Variants in SLC22A25 observed in about 807,000 individuals in gnomAD.
SLC22A25 encodes the protein MGI:2442751, MGI:2385316, MGI:3042283, MGI:3645714, MGI:3605624, MGI:2442750.
Under a neutral mutation model 45.9 loss-of-function variants are expected in SLC22A25, and 44 were observed. The observed-to-expected ratio is 0.96, with a 90% confidence interval of 0.75 to 1.23. The LOEUF (loss-of-function observed/expected upper bound fraction) is 1.23. Ranked by LOEUF, SLC22A25 falls within the 50% of genes most tolerant of loss-of-function variation. The pLI is 0.00. For missense variants in SLC22A25, 800 were observed against 666.4 expected, an observed-to-expected ratio of 1.20 and a Z score of -2.21; for synonymous variants, 283 against 238.6, an observed-to-expected ratio of 1.19 and a Z score of -1.72.
At chr11:63,217,193 G>A (rs564664287) in intron 7 of SLC22A25, 121 bp downstream of exon 7, 2 of 1,091,294 alleles carry the variant, frequency 1.8e-6, no homozygotes, top group East Asian at 5.1e-5. Flanking sequence ...TGCATATTTA[G>A]CACAGATTAG....
At chr11:63,195,872 G>A (rs979802856) in intron 7 of SLC22A25, among the ~76,000 whole-genome samples, 1 of 152,114 alleles carries the variant, frequency 6.6e-6, no homozygotes, top group East Asian at 1.9e-4. Context: ...TAATAAAGAA[G>A]AAAAGAGAGA....
Position 63,229,739 on chromosome 11 carries a change from A to T in SLC22A25, c.-87T>A. The T allele has an allele frequency of 7.3e-7, 1 of 1,366,076 alleles. No homozygotes were observed. The highest frequency in any genetic ancestry group is 9.9e-7 in the Non-Finnish European group (1 of 1,008,714). 84.6% of individuals were successfully genotyped at this position (1,366,076 alleles called of 1,614,324 possible). ...AGAAAATATTTCCTTTCCTTAAATCACACTAAGTGTGTGTGTTGATCCTGA... is the reference window on the plus strand; with the variant it reads ...AGAAAATATTTCCTTTCCTTAAATCTCACTAAGTGTGTGTGTTGATCCTGA... On this transcript the variant is annotated 5_prime_UTR_variant, in exon 4 of 12. Transcript: ENST00000306494.
chr11:63,233,767 G>A (rs1408413467), intron 3 of SLC22A25, among the ~76,000 whole-genome samples: 2 of 152,132 alleles, frequency 1.3e-5, no homozygotes, highest in Non-Finnish European at 2.9e-5. Flanking sequence ...TCTCTTGTAG[G>A]CATTTAGTGC....
At chr11:63,175,564 A>T (rs1412944814) in intron 9 of SLC22A25, among the ~76,000 whole-genome samples, 1 of 151,892 alleles carries the variant, frequency 6.6e-6, no homozygotes, top group Non-Finnish European at 1.5e-5. Flanking sequence ...CTGCCTTTTC[A>T]TTCTATTATT....
intron 9 of SLC22A25, among the ~76,000 whole-genome samples, chr11:63,178,931 T>A (rs1224496209): frequency 6.6e-6 from 1 of 151,972 alleles, no homozygotes; most frequent in Non-Finnish European, 1.5e-5. Flanking sequence ...TCTTCTAGTA[T>A]TATCATAGTT....
intron 1 of SLC22A25, among the ~76,000 whole-genome samples, chr11:63,239,381 G>A (rs1183851357): frequency 6.6e-6 from 1 of 152,146 alleles, no homozygotes; most frequent in African/African-American, 2.4e-5. Context: ...TCTGTTTAAA[G>A]TTCTACTTTG....
In SLC22A25 at chr11:63,243,599, T is replaced by G. The variant is rs552853591; in HGVS notation, c.-1161A>C. 71 of 766,522 alleles carry G rather than the reference T, an allele frequency of 9.3e-5. No individual in the cohort carries two copies. The Admixed American group carries it at 9.3e-4, about 10-fold the overall frequency. The allele number at this position is 766,522 out of a possible 1,614,324, so 47.5% of individuals were successfully genotyped here. A position where few individuals can be genotyped will look rare whatever the true frequency, so the allele number is the denominator to read the frequency against. On this transcript the variant is annotated 5_prime_UTR_variant, in exon 1 of 12. Coordinates refer to ENST00000306494, the MANE Select transcript of SLC22A25 (RefSeq NM_199352.6). ...CATCAAGCCTCAGGAGCTGCTGGAG[T>G]GGGAACTGGTGGTGTTGGGAAAGTT...
chr11:63,163,993 T>A lies in SLC22A25; in HGVS notation c.1475A>T (p.Tyr492Phe). ...LASLMMILSI[Y>F]SRPLPWIIYG... Reference sequence around the variant, plus strand: ...GATGATCCAGGGCAGGGGTCGAGAATATATGCTTAGGATCATCATGAGGGA... The same window carrying A: ...GATGATCCAGGGCAGGGGTCGAGAAAATATGCTTAGGATCATCATGAGGGA... Residue 492 changes from tyrosine to phenylalanine, a missense_variant, in exon 12 of 12, where the codon TAT becomes TTT. Tyr to Phe is a conservative substitution (Grantham distance 22). Transcript: ENST00000306494. The A allele has an allele frequency of 3.7e-6, 6 of 1,613,876 alleles. No individual in the cohort carries two copies. The East Asian group carries it at 1.3e-4, about 36-fold the overall frequency.
In SLC22A25 at chr11:63,162,068, T is replaced by TA. The variant is rs1267578465; in HGVS notation, c.*1755_*1756insT. ...ATGACTGTTTGACATCTGTATGTCTTCTTTTGAGAAATACCTATTCACGTT... is the reference window on the plus strand; with the variant it reads ...ATGACTGTTTGACATCTGTATGTCTTACTTTTGAGAAATACCTATTCACGTT... On this transcript the variant is annotated 3_prime_UTR_variant, in exon 12 of 12. Transcript: ENST00000306494. 9.9e-5 allele frequency among the ~76,000 whole-genome samples: 15 copies of TA among 152,232 alleles called. No individual in the cohort carries two copies. The highest frequency in any genetic ancestry group is 2.9e-5 in the Non-Finnish European group (2 of 68,042).
chr11:63,225,474 G>T lies in SLC22A25; in HGVS notation c.506+2987C>A, dbSNP rs1427954889. Among the ~76,000 whole-genome samples the T allele has an allele frequency of 2.0e-5, 3 of 152,084 alleles. No homozygotes were observed. The East Asian group carries it at 5.8e-4, about 29-fold the overall frequency. On this transcript the variant is annotated intron_variant, in intron 5 of 11. Coordinates refer to ENST00000306494, the MANE Select transcript of SLC22A25 (RefSeq NM_199352.6). ...CATGCCACTCTGTCCTGGCCTGTAA[G>T]GTTTGCATGGAAAAGTCTGCTGCCA...
In SLC22A25 at chr11:63,227,576, G is replaced by C. The variant is rs1191765260; in HGVS notation, c.506+885C>G. Reference sequence around the variant, plus strand: ...TCCTCTCCTCAAATGGAATGAAGGAGTCTATTTTGGAGGTGCAAGGTGCAT... The same window carrying C: ...TCCTCTCCTCAAATGGAATGAAGGACTCTATTTTGGAGGTGCAAGGTGCAT... On this transcript the variant is annotated intron_variant, in intron 5 of 11. Transcript: ENST00000306494. Among the ~76,000 whole-genome samples the C allele has an allele frequency of 2.0e-5, 3 of 152,304 alleles. No individual in the cohort carries two copies. In the East Asian group the frequency reaches 5.8e-4, roughly 29 times the overall value.
intron 7 of SLC22A25, among the ~76,000 whole-genome samples, chr11:63,186,471 A>C (rs12417924): frequency 0.42 from 59,540 of 143,120 alleles, 10,665 homozygotes; most frequent in East Asian, 0.5. Flanking sequence ...TAGATTGCAA[A>C]AATTTTCTCC....
chr11:63,238,352 C>G (rs2090196936), intron 2 of SLC22A25, among the ~76,000 whole-genome samples: 1 of 151,858 alleles, frequency 6.6e-6, no homozygotes, highest in African/African-American at 2.4e-5. Context: ...TCTCCTATGA[C>G]CACTCTGGGT....
Position 63,229,391 on chromosome 11 carries a change from A to T in SLC22A25, c.262T>A (p.Cys88Ser). The part of the protein sequence containing the change: ...PFDSNLRPEK[C>S]RRFVHPQWKL... Reference sequence around the variant, plus strand: ...CACTGGGGATGGACAAAGCGACGACACTTCTCTGGCCTCAGATTTGAGTCG... The same window carrying T: ...CACTGGGGATGGACAAAGCGACGACTCTTCTCTGGCCTCAGATTTGAGTCG... Residue 88 changes from cysteine (C) to serine (S), a missense_variant, in exon 4 of 12, where the codon TGT (cysteine) becomes AGT (serine). Cys to Ser is a moderately radical substitution (Grantham distance 112). Coordinates refer to ENST00000306494, the MANE Select transcript of SLC22A25 (RefSeq NM_199352.6). 1 of 1,614,118 alleles carries T rather than the reference A, an allele frequency of 6.2e-7. No homozygotes were observed. Among genetic ancestry groups the T allele is most frequent in the Non-Finnish European group, 8.5e-7 (1 of 1,179,996 alleles).
In SLC22A25 at chr11:63,163,878, C is replaced by T. The variant is rs1565055299; in HGVS notation, c.1590G>A (p.Val530=). ...NQPLLDSIQD[V]ENEGVNSLAA... Reference sequence around the variant, plus strand: ...CTAGGCTATTTACTCCCTCATTTTCCACATCCTGGATGCTGTCAAGAAGAG... The same window carrying T: ...CTAGGCTATTTACTCCCTCATTTTCTACATCCTGGATGCTGTCAAGAAGAG... Residue 530 remains valine (V), a synonymous_variant, in exon 12 of 12, where the codon GTG becomes GTA. Transcript: ENST00000306494. The T allele has an allele frequency of 1.9e-6, 3 of 1,613,916 alleles. No homozygotes were observed. The highest frequency in any genetic ancestry group is 2.5e-6 in the Non-Finnish European group (3 of 1,179,884).
At chr11:63,202,753 C>T (rs1047384366) in intron 7 of SLC22A25, among the ~76,000 whole-genome samples, 6 of 152,200 alleles carry the variant, frequency 3.9e-5, no homozygotes, top group African/African-American at 1.4e-4. Context: ...AACGTTCCTG[C>T]TTGCTGGCTC....
At chr11:63,192,975 T>A (rs1168096480) in intron 7 of SLC22A25, among the ~76,000 whole-genome samples, 1 of 152,092 alleles carries the variant, frequency 6.6e-6, no homozygotes, top group Non-Finnish European at 1.5e-5. Flanking sequence ...CAGCACTGGA[T>A]CAAATGGTCC....
chr11:63,189,977 A>AT (rs1282716651), intron 7 of SLC22A25, among the ~76,000 whole-genome samples: 1 of 151,920 alleles, frequency 6.6e-6, no homozygotes, highest in Non-Finnish European at 1.5e-5. Context: ...TGCCCTTAAC[A>AT]TTTTTTCCTT....
intron 7 of SLC22A25, among the ~76,000 whole-genome samples, chr11:63,200,663 T>C (rs1308787643): frequency 6.6e-6 from 1 of 152,068 alleles, no homozygotes; most frequent in Non-Finnish European, 1.5e-5. Context: ...GCCAGGGCAA[T>C]CAGGCAACAG....
Sources: allele counts gnomAD v4.1 joint callset (sites outside exome capture counted in the v4.1 genomes callset), GRCh38; gene constraint gnomAD v4.1.1; transcripts MANE v1.5; gene names NCBI Gene and HGNC (gene_info 2026-07-23, HGNC 2026-07-21).